Variants in NCKAP1 observed in about 807,000 individuals in gnomAD.
The protein encoded by NCKAP1 is nck-associated protein 1.
In NCKAP1, 21 loss-of-function variants were observed where a neutral mutation model predicts 151.2. The ratio of observed to expected loss-of-function variants is 0.14; its 90% CI spans 0.10 to 0.20. The LOEUF is 0.20. Ranked by LOEUF, NCKAP1 falls within the 10% of genes least tolerant of loss-of-function variation. NCKAP1 has a pLI of 1.00. For missense variants in NCKAP1, 933 were observed against 1,352.1 expected (o/e 0.69, Z 4.86); for synonymous variants, 484 against 451.8 (o/e 1.07, Z -0.90).
chr2:183,005,493 C>T (rs921890652), intron 2 of NCKAP1, among the ~76,000 whole-genome samples: 1 of 152,086 alleles, frequency 6.6e-6, no homozygotes, highest in Non-Finnish European at 1.5e-5. Flanking sequence ...GATTGGAAAT[C>T]TCATCTCTTT....
chr2:182,929,452 A>G (rs1696714612), intron 27 of NCKAP1, among the ~76,000 whole-genome samples: 1 of 151,884 alleles, frequency 6.6e-6, no homozygotes, highest in Non-Finnish European at 1.5e-5. Context: ...GTCATGAATA[A>G]AAGAAGACAG....
intron 11 of NCKAP1, 148 bp downstream of exon 11, chr2:182,983,138 G>C (rs1403190942): frequency 1.1e-5 from 8 of 703,594 alleles, no homozygotes; most frequent in African/African-American, 3.6e-5. Flanking sequence ...TACGATGTAT[G>C]AATGTCAAGT....
chr2:182,916,226 A>C lies in NCKAP1; in HGVS notation c.*9476T>G, dbSNP rs1189599683. On this transcript the variant is annotated 3_prime_UTR_variant, in exon 31 of 31. Coordinates refer to ENST00000361354, the MANE Select transcript of NCKAP1 (RefSeq NM_013436.5). ...GTGTCATCACTGAGCTGCTGCTATT[A>C]CAGGTGTAGAAATCCCCAGCTGCCT... 1 of 149,274 alleles carries C rather than the reference A, an allele frequency of 6.7e-6. No homozygotes were observed. The highest frequency in any genetic ancestry group is 2.4e-5 in the African/African-American group (1 of 40,860). 9.2% of individuals were successfully genotyped at this position (149,274 alleles called of 1,614,324 possible).
chr2:182,967,434 A>G (rs1434268899), intron 15 of NCKAP1, 73 bp from the exon 16 acceptor site: 2 of 1,325,744 alleles, frequency 1.5e-6, no homozygotes, highest in African/African-American at 3.0e-5. Flanking sequence ...TTACAGGGGG[A>G]AAAGCATCAC....
intron 20 of NCKAP1, among the ~76,000 whole-genome samples, chr2:182,956,257 G>A (rs1020165857): frequency 1.3e-4 from 20 of 152,134 alleles, no homozygotes; most frequent in Admixed American, 6.5e-5. Context: ...AGCCAGGATG[G>A]TCTCGATCTC....
At chr2:183,010,715 AC>A (rs1277041681) in intron 2 of NCKAP1, among the ~76,000 whole-genome samples, 1 of 152,212 alleles carries the variant, frequency 6.6e-6, no homozygotes, top group Non-Finnish European at 1.5e-5. Flanking sequence ...CATCAGTACT[AC>A]AAAAATCACT....
chr2:183,020,481 G>A (rs4666874), intron 2 of NCKAP1, among the ~76,000 whole-genome samples: 29,085 of 135,092 alleles, frequency 0.22, 4,745 homozygotes, highest in African/African-American at 0.45. Context: ...AAAAAAAAAA[G>A]AAAAAAAAGA....
Position 182,915,250 on chromosome 2 carries a change from C to T in NCKAP1, c.*10452G>A, listed in dbSNP as rs1406577323. On this transcript the variant is annotated 3_prime_UTR_variant, in exon 31 of 31. Coordinates refer to ENST00000361354, the MANE Select transcript of NCKAP1 (RefSeq NM_013436.5). ...TTCTCTAGACACCACACCTATTTTC[C>T]AACTGTAATATTCTGTATAGAATGC... 2 of 152,172 alleles carry T rather than the reference C, an allele frequency of 1.3e-5. No homozygotes were observed. Among genetic ancestry groups the T allele is most frequent in the African/African-American group, 4.8e-5 (2 of 41,428 alleles). The allele number at this position is 152,172 out of a possible 1,614,324, so 9.4% of individuals were successfully genotyped here. A position where few individuals can be genotyped will look rare whatever the true frequency, so the allele number is the denominator to read the frequency against.
At chr2:182,994,064 T>G (rs1041822090) in intron 8 of NCKAP1, among the ~76,000 whole-genome samples, 1 of 152,174 alleles carries the variant, frequency 6.6e-6, no homozygotes, top group Non-Finnish European at 1.5e-5. Flanking sequence ...GTTTGTAAGC[T>G]TCTTAGAAGC....
At chr2:182,960,334 T>C (rs903549332) in intron 18 of NCKAP1, among the ~76,000 whole-genome samples, 9 of 152,040 alleles carry the variant, frequency 5.9e-5, no homozygotes, top group Admixed American at 1.3e-4. Context: ...TCAAACTATA[T>C]TACAAGGCTA....
Position 182,913,758 on chromosome 2 carries a change from G to C in NCKAP1, c.*11944C>G, listed in dbSNP as rs563661588. The C allele has an allele frequency of 6.6e-6, 1 of 152,182 alleles. No individual in the cohort carries two copies. The highest frequency in any genetic ancestry group is 1.9e-4 in the East Asian group (1 of 5,194). 9.4% of individuals were successfully genotyped at this position (152,182 alleles called of 1,614,324 possible). On this transcript the variant is annotated 3_prime_UTR_variant, in exon 31 of 31. Coordinates refer to ENST00000361354, the MANE Select transcript of NCKAP1 (RefSeq NM_013436.5). The stretch of plus-strand genomic sequence containing the variant: ...TCAAATTAATTAAAATGAAAAAAGA[G>C]TCTACTTCCTAATTCTCATCCTCTC...
intron 8 of NCKAP1, among the ~76,000 whole-genome samples, chr2:182,994,524 G>A (rs1248713677): frequency 3.3e-5 from 5 of 151,862 alleles, no homozygotes; most frequent in East Asian, 3.9e-4. Flanking sequence ...CTGTTGTCCC[G>A]GCTACTCGGG....
intron 24 of NCKAP1, among the ~76,000 whole-genome samples, chr2:182,940,178 G>C (rs1283060961): frequency 6.6e-6 from 1 of 151,982 alleles, no homozygotes; most frequent in Non-Finnish European, 1.5e-5. Context: ...AGTAAATAGG[G>C]TTAAGGCCAA....
chr2:182,937,690 G>A (rs1238744476), intron 24 of NCKAP1, among the ~76,000 whole-genome samples: 3 of 151,952 alleles, frequency 2.0e-5, no homozygotes, highest in Non-Finnish European at 2.9e-5. Context: ...ATGTAGCATA[G>A]GGCCAAACAA....
chr2:183,011,823 G>A (rs915291514), intron 2 of NCKAP1, among the ~76,000 whole-genome samples: 18 of 152,190 alleles, frequency 1.2e-4, no homozygotes, highest in African/African-American at 4.3e-4. Context: ...AAAGAGGCAA[G>A]TGACATGAAA....
At chr2:182,956,686 A>G (rs1367328417) in intron 19 of NCKAP1, 93 bp from the exon 20 acceptor site, 1 of 1,328,368 alleles carries the variant, frequency 7.5e-7, no homozygotes, top group Non-Finnish European at 1.0e-6. Context: ...ATTTGGAGAT[A>G]ATGCTTAGAG....
intron 23 of NCKAP1, among the ~76,000 whole-genome samples, chr2:182,943,762 A>C (rs1459038671): frequency 6.6e-6 from 1 of 152,214 alleles, no homozygotes; most frequent in Non-Finnish European, 1.5e-5. Context: ...GGTAACTTAT[A>C]ATCATATTTA....
chr2:182,988,539 G>A (rs984816464), intron 9 of NCKAP1, among the ~76,000 whole-genome samples: 2 of 152,074 alleles, frequency 1.3e-5, no homozygotes, highest in African/African-American at 4.8e-5. Flanking sequence ...GGAAATAAAT[G>A]AAAATAAATA....
chr2:182,968,399 G>A (rs1437879751), intron 15 of NCKAP1, among the ~76,000 whole-genome samples: 1 of 152,180 alleles, frequency 6.6e-6, no homozygotes, highest in African/African-American at 2.4e-5. Flanking sequence ...GCTGTTGGGA[G>A]ATACTCCTGC....
Sources: gnomAD v4.1 joint callset for allele counts (sites outside exome capture counted in the v4.1 genomes callset) on GRCh38, gnomAD v4.1.1 for gene constraint, MANE v1.5 for transcripts, NCBI Gene and HGNC (gene_info 2026-07-23, HGNC 2026-07-21) for gene names.